Variants in GRIK1 observed in about 807,000 individuals in gnomAD.
GRIK1 encodes the protein glutamate receptor ionotropic, kainate 1.
Under a neutral mutation model 105.7 loss-of-function variants are expected in GRIK1, and 69 were observed. The ratio of observed to expected loss-of-function variants is 0.65; its 90% confidence interval spans 0.54 to 0.80. GRIK1 has a LOEUF of 0.80. Ranked by LOEUF, GRIK1 falls within the 30% of genes least tolerant of loss-of-function variation. The pLI is 0.00. For synonymous variants in GRIK1, 438 were observed against 431.3 expected, an observed-to-expected ratio of 1.02 and a Z score of -0.19; for missense variants, 1,109 against 1,167.3, an observed-to-expected ratio of 0.95 and a Z score of 0.73.
intron 4 of GRIK1, among the ~76,000 whole-genome samples, chr21:29,659,482 C>T (rs2062919215): frequency 6.6e-6 from 1 of 152,214 alleles, no homozygotes; most frequent in Non-Finnish European, 1.5e-5. Context: ...AAATTCCATT[C>T]CATCTAGATA....
In GRIK1 at chr21:29,707,131, T is replaced by TG. The variant is rs557235673; in HGVS notation, c.119-13069dup. ...CGCCCTCCTCGGCCTCCCGAAGTGC[T>TG]GGGATTACAGGCGTGAGCCACCGCG... On this transcript the variant is annotated intron_variant, in intron 1 of 17. Coordinates refer to ENST00000327783, the MANE Select transcript of GRIK1 (RefSeq NM_001330994.2). Among the ~76,000 whole-genome samples, 13 of 152,360 alleles carry TG rather than the reference T, an allele frequency of 8.5e-5. No individual in the cohort carries two copies. In the East Asian group the frequency reaches 2.5e-3, roughly 29 times the overall value.
rs1205314275 is a variant in GRIK1, at chr21:29,939,531, C to A, written c.-31G>T. On this transcript the variant is annotated 5_prime_UTR_variant, in exon 1 of 18. Coordinates refer to ENST00000327783, the MANE Select transcript of GRIK1 (RefSeq NM_001330994.2). ...TAGCTTCTTAATTCATGCCGAGATA[C>A]AGCCGCTGCCGGACGCCCGAGAGAT... 2 of 1,407,422 alleles carry A rather than the reference C, an allele frequency of 1.4e-6. No individual in the cohort carries two copies. The highest frequency in any genetic ancestry group is 9.7e-7 in the Non-Finnish European group (1 of 1,029,456). 87.2% of individuals were successfully genotyped at this position (1,407,422 alleles called of 1,614,324 possible).
At chr21:29,770,367 C>T (rs960067950) in intron 1 of GRIK1, among the ~76,000 whole-genome samples, 5 of 152,192 alleles carry the variant, frequency 3.3e-5, no homozygotes, top group African/African-American at 1.2e-4. Context: ...CCATATGTGA[C>T]ATTTCTAACA....
At chr21:29,777,048 C>T (rs775261595) in intron 1 of GRIK1, among the ~76,000 whole-genome samples, 1 of 152,142 alleles carries the variant, frequency 6.6e-6, no homozygotes, top group Non-Finnish European at 1.5e-5. Flanking sequence ...CCTGACTGTA[C>T]ATTAGAGTCA....
chr21:29,758,271 G>A (rs1601617150), intron 1 of GRIK1, among the ~76,000 whole-genome samples: 1 of 152,210 alleles, frequency 6.6e-6, no homozygotes, highest in Admixed American at 6.5e-5. Flanking sequence ...AGACATACTC[G>A]AGACTGGGTA....
chr21:29,689,992 C>A lies in GRIK1; in HGVS notation c.287-7G>T, dbSNP rs1044960884. 2.5e-6 allele frequency: 4 copies of A among 1,609,944 alleles called. No homozygotes were observed. The highest frequency in any genetic ancestry group is 1.7e-5 in the Admixed American group (1 of 59,868). ...AGAGCCAGCTGGTCACATGCTGATG[C>A]CCAAGGACAAGGAGAGGATGGGGAG... On this transcript the variant is annotated splice_region_variant and splice_polypyrimidine_tract_variant and intron_variant, in intron 2 of 17. Coordinates refer to ENST00000327783, the MANE Select transcript of GRIK1 (RefSeq NM_001330994.2).
At chr21:29,860,795 A>G (rs1461351405) in intron 1 of GRIK1, among the ~76,000 whole-genome samples, 2 of 152,232 alleles carry the variant, frequency 1.3e-5, no homozygotes, top group Non-Finnish European at 2.9e-5. Context: ...TTTTCAATAC[A>G]GTAGCCACTA....
At chr21:29,576,559 T>G (rs576793994) in intron 14 of GRIK1, among the ~76,000 whole-genome samples, 178 of 152,300 alleles carry the variant, frequency 1.2e-3, no homozygotes, top group Non-Finnish European at 1.1e-3. Context: ...AACAAAATAA[T>G]GATATTCAAG....
At chr21:29,899,281 C>A (rs2070298554) in intron 1 of GRIK1, among the ~76,000 whole-genome samples, 1 of 152,194 alleles carries the variant, frequency 6.6e-6, no homozygotes, top group Admixed American at 6.5e-5. Flanking sequence ...TACAGTTTAG[C>A]TTCGAGTAAG....
intron 1 of GRIK1, among the ~76,000 whole-genome samples, chr21:29,872,971 A>G (rs1326287065): frequency 6.6e-6 from 1 of 152,206 alleles, no homozygotes; most frequent in Non-Finnish European, 1.5e-5. Flanking sequence ...GAAGGTACCA[A>G]TAAGATTGAG....
At chr21:29,927,790 G>A (rs1292565788) in intron 1 of GRIK1, among the ~76,000 whole-genome samples, 1 of 152,058 alleles carries the variant, frequency 6.6e-6, no homozygotes, top group Non-Finnish European at 1.5e-5. Flanking sequence ...AGAATCACTT[G>A]AACCCGGGAG....
chr21:29,855,240 G>A (rs900872120), intron 1 of GRIK1, among the ~76,000 whole-genome samples: 5 of 152,072 alleles, frequency 3.3e-5, no homozygotes, highest in Non-Finnish European at 2.9e-5. Context: ...ATTTTATTAC[G>A]GAGTGAAAGA....
At chr21:29,550,107 CAAAAAAAAAAAA>C (rs34939329) in intron 16 of GRIK1, among the ~76,000 whole-genome samples, 7,561 of 53,578 alleles carry the variant, frequency 0.14, 372 homozygotes, top group Admixed American at 0.32. Context: ...GACTCCATCT[CAAAAAAAAAAAA>C]AAAAAAAAAA....
At chr21:29,798,258 C>T (rs8128614) in intron 1 of GRIK1, among the ~76,000 whole-genome samples, 1,671 of 152,206 alleles carry the variant, frequency 0.011, 38 homozygotes, top group African/African-American at 0.038. Context: ...AATTCTTAGG[C>T]GAATGGGAAG....
At chr21:29,551,112 A>T (rs746347843) in intron 16 of GRIK1, among the ~76,000 whole-genome samples, 29 of 152,198 alleles carry the variant, frequency 1.9e-4, no homozygotes, top group Non-Finnish European at 3.4e-4. Context: ...TGGGGAAAAA[A>T]ATCTGCAATC....
At chr21:29,570,188 T>C (rs1301075244) in intron 14 of GRIK1, among the ~76,000 whole-genome samples, 1 of 152,084 alleles carries the variant, frequency 6.6e-6, no homozygotes, top group Non-Finnish European at 1.5e-5. Context: ...CAAGCAGAAA[T>C]GAGAGGGATT....
At chr21:29,568,954 A>C (rs1191995537) in intron 14 of GRIK1, among the ~76,000 whole-genome samples, 1 of 152,232 alleles carries the variant, frequency 6.6e-6, no homozygotes, top group Non-Finnish European at 1.5e-5. Context: ...CTGCATTCTA[A>C]GGGCAGCCTT....
rs527730807 is a variant in GRIK1, at chr21:29,567,069, T to C, written c.2131-5220A>G. Among the ~76,000 whole-genome samples the C allele has an allele frequency of 1.5e-4, 23 of 152,350 alleles. No homozygotes were observed. In the South Asian group the frequency reaches 4.8e-3, roughly 32 times the overall value. On this transcript the variant is annotated intron_variant, in intron 14 of 17. Coordinates refer to ENST00000327783, the MANE Select transcript of GRIK1 (RefSeq NM_001330994.2). ...GTACAGAAACTATTTACCTGACTTT[T>C]AATAGCTTACACTTGTTTAGACAAG...
intron 1 of GRIK1, among the ~76,000 whole-genome samples, chr21:29,934,868 A>G (rs1024790205): frequency 4.6e-5 from 7 of 152,144 alleles, no homozygotes; most frequent in Non-Finnish European, 2.9e-5. Context: ...TGAATGACAC[A>G]GGTAAAATTG....
Sources: allele counts gnomAD v4.1 joint callset (sites outside exome capture counted in the v4.1 genomes callset), GRCh38; gene constraint gnomAD v4.1.1; transcripts MANE v1.5; gene names NCBI Gene and HGNC (gene_info 2026-07-23, HGNC 2026-07-21).